GRIP1: variants seen among roughly 807,000 people sequenced by gnomAD.
The protein encoded by GRIP1 is glutamate receptor interacting protein 1, also known as glutamate receptor-interacting protein 1.
GRIP1 carries 45 observed loss-of-function variants against 129.9 expected under a neutral mutation model. The observed-to-expected ratio is 0.35, with a 90% CI of 0.27 to 0.44. GRIP1 has a LOEUF of 0.44. GRIP1 is among the 20% of genes least tolerant of loss of function. The probability of loss-of-function intolerance (pLI) is 1.00; values close to 1 mark genes in which losing one functional copy is unlikely to be tolerated. For synonymous variants in GRIP1, 530 were observed against 520.8 expected (o/e 1.02, Z -0.24); for missense variants, 1,196 against 1,396.8 (o/e 0.86, Z 2.29).
intron 1 of GRIP1, among the ~76,000 whole-genome samples, chr12:66,784,254 G>C (rs2038248388): frequency 6.6e-6 from 1 of 152,088 alleles, no homozygotes; most frequent in African/African-American, 2.4e-5. Flanking sequence ...TCCCACAGCA[G>C]ACATCACTAA....
In GRIP1 at chr12:66,853,657, T is replaced by G. The variant is rs563532876; in HGVS notation, c.58+215393A>C. Among the ~76,000 whole-genome samples the G allele has an allele frequency of 3.9e-5, 6 of 152,164 alleles. No individual in the cohort carries two copies. In the South Asian group the frequency reaches 1.0e-3, roughly 26 times the overall value. On this transcript the variant is annotated intron_variant, in intron 1 of 1. Coordinates refer to the GRIP1 transcript ENST00000643019. Reference sequence around the variant, plus strand: ...TTTTGAAATGTCTTTTTCTCACTTATACATTTATAAATCATGAGCCAAAGT... The same window carrying G: ...TTTTGAAATGTCTTTTTCTCACTTAGACATTTATAAATCATGAGCCAAAGT...
chr12:66,614,181 C>T (rs1212179405), intron 1 of GRIP1, among the ~76,000 whole-genome samples: 1 of 152,010 alleles, frequency 6.6e-6, no homozygotes, highest in Non-Finnish European at 1.5e-5. Context: ...TCTTTCCTTG[C>T]TATCACATCT....
chr12:66,525,061 C>G (rs2061173619), intron 5 of GRIP1, among the ~76,000 whole-genome samples: 1 of 152,086 alleles, frequency 6.6e-6, no homozygotes, highest in Non-Finnish European at 1.5e-5. Context: ...CAAAAAAAGT[C>G]CAGGAACAGA....
chr12:66,774,518 T>G (rs961350300), intron 1 of GRIP1, among the ~76,000 whole-genome samples: 2 of 152,252 alleles, frequency 1.3e-5, no homozygotes, highest in Non-Finnish European at 2.9e-5. Flanking sequence ...TGTCTTAATA[T>G]GTAAAACATT....
Position 66,675,314 on chromosome 12 carries a change from A to G in GRIP1, c.55+3536T>C, listed in dbSNP as rs145616686. ...TAGGCAGAGTGAAGCTTGTGAAAGA[A>G]AAATGCCATTGCCAGTGGAGCACGA... On this transcript the variant is annotated intron_variant, in intron 1 of 24. Coordinates refer to ENST00000359742, the MANE Select transcript of GRIP1 (RefSeq NM_001366722.1). 1.3e-3 allele frequency among the ~76,000 whole-genome samples: 194 copies of G among 152,218 alleles called. 3 individuals are homozygous for G. The East Asian group carries it at 0.029, about 23-fold the overall frequency.
chr12:66,499,636 A>T (rs1377618048), intron 7 of GRIP1, among the ~76,000 whole-genome samples: 2 of 152,208 alleles, frequency 1.3e-5, no homozygotes, highest in Non-Finnish European at 2.9e-5. Context: ...TATAGGAAGC[A>T]TCTAAAAAAA....
At chr12:66,873,569 A>G (rs1171584280) in intron 1 of GRIP1, among the ~76,000 whole-genome samples, 1 of 152,084 alleles carries the variant, frequency 6.6e-6, no homozygotes, top group Non-Finnish European at 1.5e-5. Context: ...CCATCAGTAT[A>G]TAATTTGACT....
At chr12:66,987,728 T>C (rs1168124930) in intron 1 of GRIP1, among the ~76,000 whole-genome samples, 1 of 152,210 alleles carries the variant, frequency 6.6e-6, no homozygotes, top group African/African-American at 2.4e-5. Context: ...GGCCACAGTG[T>C]GTCACCAAAG....
chr12:66,475,274 G>C (rs1253399542), intron 7 of GRIP1, among the ~76,000 whole-genome samples: 1 of 152,182 alleles, frequency 6.6e-6, no homozygotes, highest in Admixed American at 6.5e-5. Context: ...AACAAGAAGA[G>C]CTAACTATCC....
At chr12:66,986,780 T>C (rs1345967054) in intron 1 of GRIP1, among the ~76,000 whole-genome samples, 1 of 150,362 alleles carries the variant, frequency 6.7e-6, no homozygotes, top group Admixed American at 6.6e-5. Context: ...TATACATATG[T>C]AACTAACCTG....
chr12:66,464,945 TCTTTCTTTC>T (rs1198983668), intron 8 of GRIP1, among the ~76,000 whole-genome samples: 1 of 138,168 alleles, frequency 7.2e-6, no homozygotes, highest in African/African-American at 2.9e-5. Flanking sequence ...TTTCTTTCTT[TCTTTCTTTC>T]TTTTTTTTTT....
Position 66,786,230 on chromosome 12 carries a change from C to T in GRIP1, c.-420+17823G>A, listed in dbSNP as rs79919945. ...TTGGGGGTAGAAAATCAAAATCATT[C>T]TGCTAGATGGATATGACAACCACAT... On this transcript the variant is annotated intron_variant, in intron 1 of 4. Coordinates refer to the GRIP1 transcript ENST00000538373. Among the ~76,000 whole-genome samples, 114 of 152,246 alleles carry T rather than the reference C, an allele frequency of 7.5e-4. 2 individuals carry two copies. In the East Asian group the frequency reaches 0.018, roughly 23 times the overall value.
chr12:66,583,036 A>T (rs2139635538), intron 2 of GRIP1, among the ~76,000 whole-genome samples: 1 of 151,292 alleles, frequency 6.6e-6, no homozygotes, highest in East Asian at 1.9e-4. Flanking sequence ...CCAAAACAGC[A>T]TGGTACTGGT....
At chr12:66,432,989 T>A (rs1466521836) in intron 13 of GRIP1, among the ~76,000 whole-genome samples, 2 of 152,180 alleles carry the variant, frequency 1.3e-5, no homozygotes, top group Non-Finnish European at 2.9e-5. Flanking sequence ...TCTAGGTGAA[T>A]CTCAGGCATA....
In GRIP1 at chr12:66,371,940, C is replaced by A; in HGVS notation, c.2779-13G>T. On this transcript the variant is annotated splice_polypyrimidine_tract_variant and intron_variant, in intron 22 of 24. Transcript: ENST00000359742. Reference sequence around the variant, plus strand: ...ACATGATTGTTGCCTGTGGCATTGACAATTTTTAGAAACAATTAAGCCATG... The same window carrying A: ...ACATGATTGTTGCCTGTGGCATTGAAAATTTTTAGAAACAATTAAGCCATG... 6.4e-7 allele frequency: 1 copy of A among 1,550,480 alleles called. No individual in the cohort carries two copies. The highest frequency in any genetic ancestry group is 1.4e-5 in the African/African-American group (1 of 73,918).
intron 1 of GRIP1, among the ~76,000 whole-genome samples, chr12:66,938,825 T>TGG (rs2041534069): frequency 6.6e-6 from 1 of 151,758 alleles, no homozygotes. Context: ...GGCGTGGTGG[T>TGG]GCATGCCTGT....
intron 1 of GRIP1, among the ~76,000 whole-genome samples, chr12:66,956,263 G>C (rs758517547): frequency 2.6e-5 from 4 of 152,098 alleles, no homozygotes; most frequent in African/African-American, 4.8e-5. Flanking sequence ...GAAGCAAATT[G>C]ATCAGGTATT....
intron 7 of GRIP1, among the ~76,000 whole-genome samples, chr12:66,502,407 T>C (rs66723144): frequency 0.31 from 47,089 of 152,096 alleles, 7,420 homozygotes; most frequent in Middle Eastern, 0.39. Flanking sequence ...AATTATATTC[T>C]ACAGTATTTT....
intron 1 of GRIP1, among the ~76,000 whole-genome samples, chr12:66,703,997 G>GAGA (rs2035440471): frequency 6.6e-6 from 1 of 152,002 alleles, no homozygotes; most frequent in Non-Finnish European, 1.5e-5. Flanking sequence ...ACAAAGGTAT[G>GAGA]AGAAGGTACC....
Sources: gnomAD v4.1 joint callset for allele counts (sites outside exome capture counted in the v4.1 genomes callset) on GRCh38, gnomAD v4.1.1 for gene constraint, MANE v1.5 for transcripts, NCBI Gene and HGNC (gene_info 2026-07-23, HGNC 2026-07-21) for gene names.